Variants in P2RY8 observed in about 807,000 individuals in gnomAD.
The protein encoded by P2RY8 is P2Y receptor family member 8, also known as S-geranylgeranyl-glutathione receptor P2RY8.
P2RY8 carries 6 observed loss-of-function variants against 10.0 expected under a neutral mutation model. That is an observed-to-expected ratio of 0.60 (90% CI 0.33 to 1.19). The LOEUF (loss-of-function observed/expected upper bound fraction) is 1.19, where lower values mean the gene tolerates loss of function less well. Ranked by LOEUF, P2RY8 falls within the 50% of genes most tolerant of loss-of-function variation. The pLI is 0.04. For synonymous variants in P2RY8, 276 were observed against 252.5 expected, an observed-to-expected ratio of 1.09 and a Z score of -0.88; for missense variants, 456 against 542.0, an observed-to-expected ratio of 0.84 and a Z score of 1.58.
chrX:1,515,188 G>A lies in P2RY8; in HGVS notation c.-25+21733C>T, dbSNP rs577818732. On this transcript the variant is annotated intron_variant, in intron 1 of 1. Transcript: ENST00000381297. ...GGCCTCCCAAAGTGCTGGGATTACAGGCATCAGCCACCGCGCCCAACCTGC... is the reference window on the plus strand; with the variant it reads ...GGCCTCCCAAAGTGCTGGGATTACAAGCATCAGCCACCGCGCCCAACCTGC... Among the ~76,000 whole-genome samples, 343 of 150,228 alleles carry A rather than the reference G, an allele frequency of 2.3e-3. 1 individual carries two copies. The highest frequency in any genetic ancestry group is 8.0e-3 in the African/African-American group (326 of 40,950).
At chrX:1,480,970 C>T (rs1401416849) in intron 1 of P2RY8, among the ~76,000 whole-genome samples, 1 of 151,772 alleles carries the variant, frequency 6.6e-6, no homozygotes, top group Non-Finnish European at 1.5e-5. Flanking sequence ...GGCAAATTCA[C>T]CTACGAAAAA....
In P2RY8 at chrX:1,466,457, C is replaced by A. The variant is rs2091678044; in HGVS notation, c.102G>T (p.Ala34=). 1.2e-6 allele frequency: 2 copies of A among 1,612,148 alleles called. No individual in the cohort carries two copies. The highest frequency in any genetic ancestry group is 2.7e-5 in the African/African-American group (2 of 74,842). ...VALPVVYSLV[A]AVSIPGNLFS... is the part of the protein sequence containing the mutation. Reference sequence around the variant, plus strand: ...AGAGGTTGCCCGGGATGCTGACCGCCGCCACCAGCGAGTACACCACGGGCA... The same window carrying A: ...AGAGGTTGCCCGGGATGCTGACCGCAGCCACCAGCGAGTACACCACGGGCA... Residue 34 remains alanine (A), a synonymous_variant, in exon 2 of 2, where the codon GCG becomes GCT. Transcript: ENST00000381297.
chrX:1,494,964 C>T (rs6644719), intron 1 of P2RY8, among the ~76,000 whole-genome samples: 45,727 of 138,678 alleles, frequency 0.33, 7,065 homozygotes, highest in East Asian at 0.47. Flanking sequence ...GTGATCCACC[C>T]GCCTCGGCCT....
chrX:1,470,488 C>T (rs1330072953), intron 1 of P2RY8, among the ~76,000 whole-genome samples: 1 of 152,092 alleles, frequency 6.6e-6, no homozygotes, highest in African/African-American at 2.4e-5. Flanking sequence ...CATTGCACTC[C>T]AGCCTGGGCA....
Position 1,466,272 on chromosome X carries a change from C to A in P2RY8, c.287G>T (p.Cys96Phe). ...RHHWVFGVLL[C>F]NVVTVAFYAN... ...GTAAAAGGCCACGGTCACCACGTTG[C>A]AAAGCAGCACCCCGAATACCCAGTG... The change falls in exon 2 of 2, where the codon TGC (cysteine) becomes TTC (phenylalanine). Residue 96 changes from cysteine to phenylalanine, a missense_variant. Physicochemically the swap from Cys to Phe is radical, Grantham distance 205. Coordinates refer to ENST00000381297, the MANE Select transcript of P2RY8 (RefSeq NM_178129.5). 1 of 1,613,884 alleles carries A rather than the reference C, an allele frequency of 6.2e-7. No homozygotes were observed.
intron 1 of P2RY8, among the ~76,000 whole-genome samples, chrX:1,513,056 G>A (rs1330113382): frequency 3.0e-5 from 4 of 134,442 alleles, no homozygotes; most frequent in Non-Finnish European, 4.7e-5. Context: ...GGTGTGTGAT[G>A]TTCCCCTCCC....
intron 1 of P2RY8, among the ~76,000 whole-genome samples, chrX:1,494,831 T>C (rs1459460496): frequency 1.3e-5 from 2 of 151,782 alleles, no homozygotes; most frequent in African/African-American, 4.8e-5. Context: ...GCCTCCCAAG[T>C]AGCTGGGAAG....
intron 1 of P2RY8, among the ~76,000 whole-genome samples, chrX:1,495,110 C>T (rs1425084962): frequency 6.6e-6 from 1 of 152,088 alleles, no homozygotes; most frequent in Non-Finnish European, 1.5e-5. Context: ...AGCTGAACTG[C>T]ACTGTACTCA....
Position 1,466,492 on chromosome X carries a change from C to T in P2RY8, c.67G>A (p.Ala23Thr), listed in dbSNP as rs1280525670. 6.2e-7 allele frequency: 1 copy of T among 1,611,360 alleles called. No individual in the cohort carries two copies. Among genetic ancestry groups the T allele is most frequent in the East Asian group, 2.2e-5 (1 of 44,870 alleles). ...GAGTACACCACGGGCAGGGCCACCGCGATCGCCGGGTTCCGCAGCATCTGC... is the reference window on the plus strand; with the variant it reads ...GAGTACACCACGGGCAGGGCCACCGTGATCGCCGGGTTCCGCAGCATCTGC... ...TLQMLRNPAI[A>T]VALPVVYSLV... The change falls in exon 2 of 2, where the codon GCG becomes ACG. Residue 23 changes from alanine to threonine, a missense_variant. By Grantham distance (58) the Ala-to-Thr change is moderately conservative. Coordinates refer to ENST00000381297, the MANE Select transcript of P2RY8 (RefSeq NM_178129.5).
At position 1,466,588 on chromosome X, in the gene P2RY8, A is replaced by T; in HGVS notation, c.-24-6T>A. ...GAGGGGTCCTCGCCCGGGCTCTGCA[A>T]GGGAAGGAGGGAAGGGTGTACGGGT... On this transcript the variant is annotated splice_region_variant and splice_polypyrimidine_tract_variant and intron_variant, in intron 1 of 1. Coordinates refer to ENST00000381297, the MANE Select transcript of P2RY8 (RefSeq NM_178129.5). 1.9e-6 allele frequency: 3 copies of T among 1,582,730 alleles called. No homozygotes were observed. Among genetic ancestry groups the T allele is most frequent in the Non-Finnish European group, 2.6e-6 (3 of 1,168,720 alleles).
chrX:1,520,583 A>C lies in P2RY8; in HGVS notation c.-25+16338T>G, dbSNP rs748519346. 5.9e-5 allele frequency among the ~76,000 whole-genome samples: 8 copies of C among 136,686 alleles called. No individual in the cohort carries two copies. In the East Asian group the frequency reaches 1.6e-3, roughly 27 times the overall value. The allele number at this position is 136,686 out of a possible 152,430, so 89.7% of individuals were successfully genotyped here. On this transcript the variant is annotated intron_variant, in intron 1 of 1. Coordinates refer to ENST00000381297, the MANE Select transcript of P2RY8 (RefSeq NM_178129.5). Reference sequence around the variant, plus strand: ...ATTATCTCCGATCCTCAATTATCTCATTGGTCCCTAATAATTTCTCTGGTC... The same window carrying C: ...ATTATCTCCGATCCTCAATTATCTCCTTGGTCCCTAATAATTTCTCTGGTC...
At chrX:1,503,201 G>C (rs1198453962) in intron 1 of P2RY8, among the ~76,000 whole-genome samples, 1 of 152,198 alleles carries the variant, frequency 6.6e-6, no homozygotes, top group East Asian at 1.9e-4. Flanking sequence ...CCCAGGAGCT[G>C]GGAGAGACAG....
chrX:1,521,034 C>CTTTTTTTTTTTTTTTTTTT, intron 1 of P2RY8, among the ~76,000 whole-genome samples: 1 of 61,080 alleles, frequency 1.6e-5, no homozygotes, highest in South Asian at 9.2e-4. Flanking sequence ...TTTTTCTTTT[C>CTTTTTTTTTTTTTTTTTTT]TTTTTTTTTT....
At position 1,482,501 on chromosome X, in the gene P2RY8, A is replaced by C. The variant is rs183897212; in HGVS notation, c.-24-15919T>G. Among the ~76,000 whole-genome samples the C allele has an allele frequency of 3.9e-3, 594 of 152,268 alleles. 9 individuals carry two copies. Among genetic ancestry groups the C allele is most frequent in the African/African-American group, 0.014 (581 of 41,554 alleles). Reference sequence around the variant, plus strand: ...GAAGGTTCGCAGGCTTGACTTCCTAACAGCTGCTCTCTGTTTAAAGATCGT... The same window carrying C: ...GAAGGTTCGCAGGCTTGACTTCCTACCAGCTGCTCTCTGTTTAAAGATCGT... On this transcript the variant is annotated intron_variant, in intron 1 of 1. Transcript: ENST00000381297.
At position 1,537,062 on chromosome X, in the gene P2RY8, A is replaced by C. The variant is rs2092532954; in HGVS notation, c.-166T>G. The C allele has an allele frequency of 8.6e-6, 2 of 232,470 alleles. No homozygotes were observed. Among genetic ancestry groups the C allele is most frequent in the Admixed American group, 5.6e-5 (1 of 17,740 alleles). 14.4% of individuals were successfully genotyped at this position (232,470 alleles called of 1,614,324 possible). On this transcript the variant is annotated 5_prime_UTR_variant, in exon 1 of 2. Transcript: ENST00000381297. ...ACCAGCTTGCAAGCCGTGGTCACTC[A>C]AAGTGCTTGAGAAGGTGTTCGTGGG...
chrX:1,518,725 A>G (rs1315366055), intron 1 of P2RY8, among the ~76,000 whole-genome samples: 2 of 151,702 alleles, frequency 1.3e-5, no homozygotes, highest in African/African-American at 4.8e-5. Context: ...CTGGCCGCCA[A>G]TATTCTCTCT....
chrX:1,515,373 TTTC>T (rs1330002077), intron 1 of P2RY8, among the ~76,000 whole-genome samples: 1 of 126,352 alleles, frequency 7.9e-6, no homozygotes, highest in Non-Finnish European at 1.9e-5. Flanking sequence ...ATTTTCTTTC[TTTC>T]TTTTTTTTTT....
chrX:1,478,170 C>T (rs111484684), intron 1 of P2RY8, among the ~76,000 whole-genome samples: 10,334 of 151,930 alleles, frequency 0.068, 562 homozygotes, highest in African/African-American at 0.15. Context: ...CCATTGGTAT[C>T]TCCTGTTTCC....
intron 1 of P2RY8, among the ~76,000 whole-genome samples, chrX:1,475,213 G>A (rs185214156): frequency 3.3e-5 from 5 of 151,476 alleles, no homozygotes; most frequent in African/African-American, 1.2e-4. Context: ...ATGTATGGAT[G>A]GGTGGATGGA....
Sources: gnomAD v4.1 joint callset for allele counts (sites outside exome capture counted in the v4.1 genomes callset) on GRCh38, gnomAD v4.1.1 for gene constraint, MANE v1.5 for transcripts, NCBI Gene and HGNC (gene_info 2026-07-23, HGNC 2026-07-21) for gene names.